Variants in PDE4B observed in about 807,000 individuals in gnomAD.
PDE4B encodes the protein 3',5'-cyclic-AMP phosphodiesterase 4B.
In PDE4B, 20 loss-of-function variants were observed where a neutral mutation model predicts 82.2. The ratio of observed to expected loss-of-function variants is 0.24; its 90% confidence interval spans 0.17 to 0.35. PDE4B has a LOEUF of 0.35. Among genes scored for constraint, PDE4B ranks in the 10% least tolerant of loss-of-function variants. The probability of loss-of-function intolerance (pLI) is 1.00; values close to 1 mark genes in which losing one functional copy is unlikely to be tolerated. For missense variants in PDE4B, 655 were observed against 907.2 expected (o/e 0.72, Z 3.57); for synonymous variants, 320 against 318.9 (o/e 1.00, Z -0.04).
chr1:65,964,509 G>C (rs1318475), intron 3 of PDE4B, among the ~76,000 whole-genome samples: 97,971 of 152,046 alleles, frequency 0.64, 31,702 homozygotes, highest in African/African-American at 0.68. Context: ...CAATTCACCA[G>C]AAAACTCTGT....
At chr1:66,298,229 G>A (rs1223492724) in intron 7 of PDE4B, among the ~76,000 whole-genome samples, 1 of 152,120 alleles carries the variant, frequency 6.6e-6, no homozygotes, top group Admixed American at 6.6e-5. Context: ...GCTGTCTGGG[G>A]CTCTTCATTG....
intron 3 of PDE4B, among the ~76,000 whole-genome samples, chr1:66,135,946 T>G (rs1646047095): frequency 6.6e-6 from 1 of 152,230 alleles, no homozygotes; most frequent in East Asian, 1.9e-4. Context: ...AGGTCTCTCT[T>G]GACTAATACC....
intron 6 of PDE4B, among the ~76,000 whole-genome samples, chr1:66,260,522 A>G (rs1654601987): frequency 1.3e-5 from 2 of 152,210 alleles, no homozygotes. Flanking sequence ...ATGGGGAGGA[A>G]GGGATTAATA....
chr1:66,177,756 G>C (rs1021778701), intron 3 of PDE4B, among the ~76,000 whole-genome samples: 7 of 152,102 alleles, frequency 4.6e-5, no homozygotes, highest in Admixed American at 1.3e-4. Context: ...TTACTGTTAG[G>C]CCTCTGGTGT....
At chr1:65,865,568 C>G (rs752658453) in intron 1 of PDE4B, among the ~76,000 whole-genome samples, 8 of 152,162 alleles carry the variant, frequency 5.3e-5, no homozygotes, top group Non-Finnish European at 1.0e-4. Flanking sequence ...ATTGCAAAAA[C>G]TATGGGAAAA....
At chr1:66,227,050 G>A (rs974401933) in intron 3 of PDE4B, among the ~76,000 whole-genome samples, 5 of 152,212 alleles carry the variant, frequency 3.3e-5, no homozygotes, top group Non-Finnish European at 7.3e-5. Context: ...CCAGATTTTG[G>A]GCTTGAGCAA....
chr1:66,251,259 A>T (rs76998100), intron 4 of PDE4B, among the ~76,000 whole-genome samples: 3,523 of 152,324 alleles, frequency 0.023, 53 homozygotes, highest in Middle Eastern at 0.044. Flanking sequence ...GGTAGGTACT[A>T]TAACTTTCTT....
chr1:66,320,731 TAGATGAGAAAAACCA>T (rs1325514857), intron 7 of PDE4B, among the ~76,000 whole-genome samples: 2 of 152,190 alleles, frequency 1.3e-5, no homozygotes, highest in Non-Finnish European at 2.9e-5. Context: ...TAGAATCTAA[TAGATGAGAAAAACCA>T]AGAGAAATAT....
In PDE4B at chr1:66,374,500, A is replaced by G. The variant is rs1405414180; in HGVS notation, c.*1822A>G. On this transcript the variant is annotated 3_prime_UTR_variant, in exon 17 of 17. Transcript: ENST00000341517. Reference sequence around the variant, plus strand: ...TGTTTCTCACAATGTATGTTATAGTATTATTATTATATATTGTGTTCAAAT... The same window carrying G: ...TGTTTCTCACAATGTATGTTATAGTGTTATTATTATATATTGTGTTCAAAT... The G allele has an allele frequency of 6.6e-6, 1 of 152,616 alleles. No homozygotes were observed. The highest frequency in any genetic ancestry group is 1.5e-5 in the Non-Finnish European group (1 of 68,028). The allele number at this position is 152,616 out of a possible 1,614,324, so 9.5% of individuals were successfully genotyped here.
intron 4 of PDE4B, among the ~76,000 whole-genome samples, chr1:66,256,352 T>C (rs1654226903): frequency 6.6e-6 from 1 of 152,164 alleles, no homozygotes; most frequent in Admixed American, 6.5e-5. Flanking sequence ...ATAATAGCAA[T>C]ATTAAGAGTA....
intron 3 of PDE4B, among the ~76,000 whole-genome samples, chr1:66,033,871 A>T (rs1653934034): frequency 1.3e-5 from 2 of 151,576 alleles, no homozygotes; most frequent in South Asian, 2.1e-4. Context: ...CTTATGGTTG[A>T]TTAGCATTTC....
intron 3 of PDE4B, among the ~76,000 whole-genome samples, chr1:66,144,654 G>T (rs1646236024): frequency 6.6e-6 from 1 of 152,186 alleles, no homozygotes; most frequent in Non-Finnish European, 1.5e-5. Context: ...CAACAGGTAA[G>T]TATAATGCAA....
At chr1:66,240,736 A>G (rs770831655) in intron 3 of PDE4B, among the ~76,000 whole-genome samples, 16 of 152,244 alleles carry the variant, frequency 1.1e-4, no homozygotes, top group South Asian at 2.1e-4. Flanking sequence ...TTTGTTGAGT[A>G]AATGAATGCT....
chr1:66,024,584 T>C (rs1424278853), intron 3 of PDE4B, among the ~76,000 whole-genome samples: 1 of 152,154 alleles, frequency 6.6e-6, no homozygotes, highest in Non-Finnish European at 1.5e-5. Flanking sequence ...TTCAACAAAA[T>C]GTACAGGTCA....
chr1:66,021,096 T>C (rs1653080380), intron 3 of PDE4B, among the ~76,000 whole-genome samples: 1 of 152,270 alleles, frequency 6.6e-6, no homozygotes, highest in African/African-American at 2.4e-5. Flanking sequence ...ATGTGTCTGT[T>C]GGCTGCATAA....
intron 3 of PDE4B, among the ~76,000 whole-genome samples, chr1:65,974,577 T>C (rs1281637378): frequency 2.0e-5 from 3 of 152,194 alleles, no homozygotes; most frequent in Non-Finnish European, 4.4e-5. Context: ...TGTGATATGG[T>C]TTAGATTTGT....
chr1:66,290,499 G>C (rs1656994385), intron 7 of PDE4B, among the ~76,000 whole-genome samples: 1 of 152,156 alleles, frequency 6.6e-6, no homozygotes, highest in Non-Finnish European at 1.5e-5. Flanking sequence ...GAGGAGAGAA[G>C]CTAGGACACA....
At chr1:65,809,160 G>A (rs1360851111) in intron 1 of PDE4B, among the ~76,000 whole-genome samples, 3 of 151,434 alleles carry the variant, frequency 2.0e-5, no homozygotes, top group African/African-American at 4.9e-5. Context: ...ATGAAACCCC[G>A]TCTCTACTAA....
chr1:66,072,142 A>G (rs1656186716), intron 3 of PDE4B, among the ~76,000 whole-genome samples: 2 of 152,100 alleles, frequency 1.3e-5, no homozygotes, highest in Admixed American at 6.6e-5. Context: ...TTTAAGCCAA[A>G]TCATTCACTG....
Sources: allele counts gnomAD v4.1 joint callset (sites outside exome capture counted in the v4.1 genomes callset), GRCh38; gene constraint gnomAD v4.1.1; transcripts MANE v1.5; gene names NCBI Gene and HGNC (gene_info 2026-07-23, HGNC 2026-07-21).